Variants in TANC1 observed in about 807,000 individuals in gnomAD.
The protein encoded by TANC1 is tetratricopeptide repeat, ankyrin repeat and coiled-coil containing 1, also known as protein TANC1.
A neutral mutation model predicts 149.7 loss-of-function variants in TANC1; 77 were observed. That is an observed-to-expected ratio of 0.51 (90% CI 0.43 to 0.62). TANC1 has a LOEUF of 0.62. TANC1 is among the 20% of genes least tolerant of loss of function. The pLI, the probability that TANC1 is intolerant of heterozygous loss-of-function variation, is 0.00. For synonymous variants in TANC1, 854 were observed against 925.0 expected (o/e 0.92, Z 1.39); for missense variants, 1,985 against 2,321.8 (o/e 0.85, Z 2.98).
At chr2:159,229,133 C>A (rs1488354788) in intron 26 of TANC1, among the ~76,000 whole-genome samples, 2 of 152,148 alleles carry the variant, frequency 1.3e-5, no homozygotes, top group African/African-American at 4.8e-5. Flanking sequence ...ACCCCTCCCC[C>A]CACGTGAAAC....
At chr2:159,130,938 A>T (rs2050010060) in intron 4 of TANC1, among the ~76,000 whole-genome samples, 1 of 152,084 alleles carries the variant, frequency 6.6e-6, no homozygotes, top group Non-Finnish European at 1.5e-5. Context: ...ATTTGTATAT[A>T]AGGTGCTAAA....
intron 4 of TANC1, among the ~76,000 whole-genome samples, chr2:159,098,717 T>G (rs1010317566): frequency 3.9e-5 from 6 of 152,316 alleles, no homozygotes; most frequent in Admixed American, 3.3e-4. Context: ...TATCAATGTG[T>G]TTTACACTTA....
At position 159,085,376 on chromosome 2, in the gene TANC1, C is replaced by G. The variant is rs570731153; in HGVS notation, c.62-12261C>G. ...TCTCAGGTATTCTTTTATAGCAACT[C>G]AAAATGGACTTGATATATAGATGTA... On this transcript the variant is annotated intron_variant, in intron 3 of 26. Transcript: ENST00000263635. Among the ~76,000 whole-genome samples the G allele has an allele frequency of 3.9e-5, 6 of 152,194 alleles. No individual in the cohort carries two copies. The South Asian group carries it at 1.2e-3, about 32-fold the overall frequency.
At position 159,227,949 on chromosome 2, in the gene TANC1, G is replaced by A. The variant is rs1447187415; in HGVS notation, c.4034G>A (p.Cys1345Tyr). The change falls in exon 25 of 27, where the codon TGC (cysteine) becomes TAC (tyrosine). Residue 1345 changes from cysteine (C) to tyrosine (Y), a missense_variant. Coordinates refer to ENST00000263635, the MANE Select transcript of TANC1 (RefSeq NM_033394.3). The part of the protein sequence containing the change: ...RVSLYLNLSR[C>Y]RRKTNDFGMA... ...TCCCTCTATCTCAATTTGTCGCGAT[G>A]CCGAAGAAAAACAAATGTAAGCTGT... The A allele has an allele frequency of 6.2e-7, 1 of 1,612,890 alleles. No individual in the cohort carries two copies. Among genetic ancestry groups the A allele is most frequent in the Non-Finnish European group, 8.5e-7 (1 of 1,179,696 alleles).
intron 3 of TANC1, among the ~76,000 whole-genome samples, chr2:159,081,176 C>A (rs1355267423): frequency 2.6e-5 from 4 of 152,306 alleles, no homozygotes; most frequent in South Asian, 4.1e-4. Context: ...GGAGGATTAT[C>A]TTCAGGAGAA....
At chr2:159,064,176 T>G (rs934494876) in intron 2 of TANC1, among the ~76,000 whole-genome samples, 1 of 152,236 alleles carries the variant, frequency 6.6e-6, no homozygotes, top group African/African-American at 2.4e-5. Flanking sequence ...TGTTTTTCAT[T>G]GTTTCTCTGA....
At position 159,230,138 on chromosome 2, in the gene TANC1, C is replaced by T. The variant is rs202038388; in HGVS notation, c.4712C>T (p.Ala1571Val). 3.2e-4 allele frequency: 509 copies of T among 1,614,112 alleles called. 4 individuals carry two copies. The East Asian group carries it at 8.8e-3, about 28-fold the overall frequency. ...PPPSPMPGRI[A>V]ATPAGSRTQH... ...CCAAGTCCCATGCCAGGGAGAATCG[C>T]TGCCACTCCTGCTGGGAGCAGAACC... The change falls in exon 27 of 27, where the codon GCT (alanine) becomes GTT (valine). Residue 1571 changes from alanine (A) to valine (V), a missense_variant. Transcript: ENST00000263635. The surrounding 1 kb of genome is among the most constrained non-coding windows in gnomAD (Gnocchi z 4.4).
chr2:159,050,369 G>A (rs1259604364), intron 2 of TANC1, among the ~76,000 whole-genome samples: 1 of 152,214 alleles, frequency 6.6e-6, no homozygotes, highest in Non-Finnish European at 1.5e-5. Flanking sequence ...ACAGGTGTGA[G>A]CCACCACACC....
At chr2:159,200,380 G>A (rs2058159404) in intron 19 of TANC1, among the ~76,000 whole-genome samples, 1 of 152,204 alleles carries the variant, frequency 6.6e-6, no homozygotes, top group African/African-American at 2.4e-5. Flanking sequence ...TCCCTGCAGA[G>A]CTGTCTAGAA....
At chr2:159,070,264 C>CT (rs35153581) in intron 3 of TANC1, among the ~76,000 whole-genome samples, 1,935 of 146,084 alleles carry the variant, frequency 0.013, 37 homozygotes, top group African/African-American at 0.041. Flanking sequence ...TTAAAGAAGA[C>CT]TTTTTTTTTT....
chr2:159,180,576 C>T (rs1004745123), intron 14 of TANC1, among the ~76,000 whole-genome samples: 1 of 152,136 alleles, frequency 6.6e-6, no homozygotes, highest in Non-Finnish European at 1.5e-5. Flanking sequence ...TGGGGACATC[C>T]CCTGGGGCAG....
intron 2 of TANC1, among the ~76,000 whole-genome samples, chr2:159,052,563 A>C (rs2041553906): frequency 6.6e-6 from 1 of 152,198 alleles, no homozygotes; most frequent in South Asian, 2.1e-4. Context: ...TTTATAAACA[A>C]ACTTCTATTG....
chr2:159,183,793 A>G (rs763631541), intron 14 of TANC1, among the ~76,000 whole-genome samples: 1 of 152,112 alleles, frequency 6.6e-6, no homozygotes, highest in African/African-American at 2.4e-5. Flanking sequence ...TTGGGAATGT[A>G]AGGAGGAGGG....
intron 5 of TANC1, chr2:159,148,793 C>T (rs188560577): frequency 1.2e-5 from 2 of 168,826 alleles, no homozygotes; most frequent in East Asian, 3.4e-4. Context: ...GCATTGGACA[C>T]CCGGCACTCT....
chr2:159,179,774 C>A (rs771969745), intron 14 of TANC1, among the ~76,000 whole-genome samples: 1 of 152,196 alleles, frequency 6.6e-6, no homozygotes, highest in South Asian at 2.1e-4. Flanking sequence ...GCTGCCTGGG[C>A]CGCTGTTATC....
At chr2:159,205,429 C>G (rs765032002) in intron 19 of TANC1, among the ~76,000 whole-genome samples, 1 of 152,210 alleles carries the variant, frequency 6.6e-6, no homozygotes, top group Non-Finnish European at 1.5e-5. Flanking sequence ...ACAGCCATCC[C>G]CCACATAATG....
chr2:159,153,556 T>G (rs2150340077), intron 7 of TANC1, among the ~76,000 whole-genome samples: 1 of 152,294 alleles, frequency 6.6e-6, no homozygotes, highest in South Asian at 2.1e-4. Flanking sequence ...ACATGCAGAA[T>G]TAGAACCTGT....
At chr2:159,127,599 C>T (rs1006673228) in intron 4 of TANC1, among the ~76,000 whole-genome samples, 3 of 152,348 alleles carry the variant, frequency 2.0e-5, no homozygotes, top group South Asian at 2.1e-4. Flanking sequence ...AGTACATATA[C>T]ACCATAGAAT....
intron 2 of TANC1, chr2:159,060,013 G>T: frequency 1.1e-5 from 3 of 282,022 alleles, no homozygotes; most frequent in Non-Finnish European, 1.5e-5. Flanking sequence ...TATTTATTTT[G>T]TAGGCTGCTT....
Sources: gnomAD v4.1 joint callset for allele counts (sites outside exome capture counted in the v4.1 genomes callset) on GRCh38, gnomAD v4.1.1 for gene constraint, Gnocchi (gnomAD v3.1) non-coding constraint, MANE v1.5 for transcripts, NCBI Gene and HGNC (gene_info 2026-07-23, HGNC 2026-07-21) for gene names.